The following TRIQK variants were observed in gnomAD, a reference collection of about 807,000 sequenced individuals.
The protein encoded by TRIQK is triple QxxK/R motif containing, also known as triple QxxK/R motif-containing protein.
A neutral mutation model predicts 10.8 loss-of-function variants in TRIQK; 10 were observed. The ratio of observed to expected loss-of-function variants is 0.92; its 90% CI spans 0.57 to 1.57. TRIQK has a LOEUF of 1.57. Ranked by LOEUF, TRIQK falls within the 40% of genes most tolerant of loss-of-function variation. The pLI is 0.00. For synonymous variants in TRIQK, 33 were observed against 33.7 expected, an observed-to-expected ratio of 0.98 and a Z score of 0.07; for missense variants, 107 against 97.7, an observed-to-expected ratio of 1.09 and a Z score of -0.40.
chr8:93,007,433 C>A (rs1409656427), intron 1 of TRIQK, among the ~76,000 whole-genome samples: 1 of 152,154 alleles, frequency 6.6e-6, no homozygotes, highest in Non-Finnish European at 1.5e-5. Context: ...AAAGACTCAA[C>A]GAGAAAACAC....
intron 1 of TRIQK, among the ~76,000 whole-genome samples, chr8:92,961,017 G>A (rs1812432296): frequency 6.6e-6 from 1 of 152,008 alleles, no homozygotes; most frequent in Non-Finnish European, 1.5e-5. Flanking sequence ...CCTATCCATA[G>A]AAGCCATGTA....
At chr8:92,898,797 A>T (rs1808743942) in intron 3 of TRIQK, among the ~76,000 whole-genome samples, 1 of 121,630 alleles carries the variant, frequency 8.2e-6, no homozygotes, top group Admixed American at 8.7e-5. Context: ...TTTGTTTTTT[A>T]CTTAATTTTT....
intron 3 of TRIQK, among the ~76,000 whole-genome samples, chr8:92,914,913 T>C (rs1333722024): frequency 2.0e-5 from 3 of 152,162 alleles, no homozygotes; most frequent in Non-Finnish European, 2.9e-5. Context: ...AGAGATACCA[T>C]GTTCACTGCA....
chr8:92,939,301 A>C (rs182692631), intron 2 of TRIQK, among the ~76,000 whole-genome samples: 258 of 152,310 alleles, frequency 1.7e-3, no homozygotes, highest in African/African-American at 5.8e-3. Flanking sequence ...TGAGTGGTCC[A>C]AACCTTAATA....
chr8:93,016,156 TA>T (rs1302166136), intron 1 of TRIQK, among the ~76,000 whole-genome samples: 1 of 152,156 alleles, frequency 6.6e-6, no homozygotes, highest in Non-Finnish European at 1.5e-5. Context: ...ACTCAGAGTA[TA>T]AAATATAGTA....
intron 1 of TRIQK, among the ~76,000 whole-genome samples, chr8:92,979,553 G>A (rs752208115): frequency 6.6e-6 from 1 of 151,964 alleles, no homozygotes; most frequent in South Asian, 2.1e-4. Flanking sequence ...CAAAGACCTT[G>A]CCATTAACTT....
chr8:92,969,686 C>T (rs1812854641), upstream of TRIQK, among the ~76,000 whole-genome samples: 1 of 151,642 alleles, frequency 6.6e-6, no homozygotes, highest in African/African-American at 2.4e-5. Flanking sequence ...TGATCCTTAC[C>T]AACATTTTTA....
At chr8:92,955,297 G>A (rs1446837062) in intron 1 of TRIQK, among the ~76,000 whole-genome samples, 1 of 151,644 alleles carries the variant, frequency 6.6e-6, no homozygotes, top group East Asian at 1.9e-4. Context: ...TAGCAATTTT[G>A]GGGTTACTTT....
At chr8:92,983,630 T>C (rs1267786000) in intron 1 of TRIQK, among the ~76,000 whole-genome samples, 1 of 152,052 alleles carries the variant, frequency 6.6e-6, no homozygotes, top group Non-Finnish European at 1.5e-5. Flanking sequence ...TTTCTCATAT[T>C]GTATTTGCCA....
chr8:92,898,328 G>A (rs561558168), intron 3 of TRIQK, among the ~76,000 whole-genome samples: 10 of 152,210 alleles, frequency 6.6e-5, no homozygotes, highest in Middle Eastern at 3.4e-3. Flanking sequence ...TGGCTGCTAC[G>A]CTAACGTTTT....
At chr8:92,909,441 T>A (rs989920755) in intron 3 of TRIQK, among the ~76,000 whole-genome samples, 3 of 151,844 alleles carry the variant, frequency 2.0e-5, no homozygotes, top group Non-Finnish European at 4.4e-5. Flanking sequence ...TTTGGAGATA[T>A]CCAGAATATA....
At chr8:92,920,586 C>G (rs1022749328) in intron 2 of TRIQK, among the ~76,000 whole-genome samples, 2 of 151,310 alleles carry the variant, frequency 1.3e-5, no homozygotes, top group African/African-American at 4.8e-5. Context: ...TTTTCACTGT[C>G]TCACCTGAGC....
chr8:92,935,861 C>T (rs117176857), intron 2 of TRIQK, among the ~76,000 whole-genome samples: 9,334 of 151,408 alleles, frequency 0.062, 407 homozygotes, highest in Non-Finnish European at 0.09. Flanking sequence ...AACAGACTTA[C>T]CAATAGCAGC....
At chr8:92,981,782 G>A (rs1043936810) in intron 1 of TRIQK, among the ~76,000 whole-genome samples, 9 of 151,624 alleles carry the variant, frequency 5.9e-5, no homozygotes, top group Admixed American at 3.3e-4. Context: ...TATTGCCAAC[G>A]AATGCAGTCT....
At chr8:93,000,582 G>T (rs1007331326) in intron 1 of TRIQK, among the ~76,000 whole-genome samples, 6 of 152,098 alleles carry the variant, frequency 3.9e-5, no homozygotes, top group Non-Finnish European at 7.3e-5. Context: ...GATTTGGGTG[G>T]GGGTTGGGGA....
chr8:92,992,511 G>A (rs1813105730), intron 1 of TRIQK, among the ~76,000 whole-genome samples: 1 of 152,212 alleles, frequency 6.6e-6, no homozygotes, highest in South Asian at 2.1e-4. Context: ...ACTGATTCAA[G>A]TAGGGGTCTG....
chr8:93,017,204 A>T (rs900841624), intron 1 of TRIQK, among the ~76,000 whole-genome samples: 2 of 150,124 alleles, frequency 1.3e-5, no homozygotes, highest in African/African-American at 2.5e-5. Flanking sequence ...TCAGGAAGCT[A>T]TTGCTCTGGG....
chr8:92,982,893 C>T (rs528602551), intron 1 of TRIQK, among the ~76,000 whole-genome samples: 14 of 152,004 alleles, frequency 9.2e-5, no homozygotes, highest in African/African-American at 3.1e-4. Flanking sequence ...TGAAGAGTGT[C>T]GGGTCCTTGC....
chr8:92,974,810 TG>T (rs1812914724), intron 1 of TRIQK: 1 of 152,206 alleles, frequency 6.6e-6, no homozygotes, highest in Non-Finnish European at 1.5e-5. Flanking sequence ...TGTAAATGGA[TG>T]TGGAGGTTCC....
Sources: gnomAD v4.1 joint callset for allele counts (sites outside exome capture counted in the v4.1 genomes callset) on GRCh38, gnomAD v4.1.1 for gene constraint, MANE v1.5 for transcripts, NCBI Gene and HGNC (gene_info 2026-07-23, HGNC 2026-07-21) for gene names.